CNTN5: variants seen among roughly 807,000 people sequenced by gnomAD.
The protein encoded by CNTN5 is contactin 5.
Under a neutral mutation model 129.1 loss-of-function variants are expected in CNTN5, and 77 were observed. The observed-to-expected ratio is 0.60, with a 90% CI of 0.50 to 0.72. CNTN5 has a LOEUF of 0.72. Ranked by LOEUF, CNTN5 falls within the 30% of genes least tolerant of loss-of-function variation. The probability of loss-of-function intolerance (pLI) is 0.00; values close to 1 mark genes in which losing one functional copy is unlikely to be tolerated. For missense variants in CNTN5, 1,478 were observed against 1,328.8 expected (o/e 1.11, Z -1.75); for synonymous variants, 509 against 465.6 (o/e 1.09, Z -1.20).
At chr11:99,036,859 G>A (rs1320695951) in intron 1 of CNTN5, among the ~76,000 whole-genome samples, 4 of 151,984 alleles carry the variant, frequency 2.6e-5, no homozygotes, top group African/African-American at 9.7e-5. Flanking sequence ...TTGACCTATG[G>A]TTCCTACCCA....
intron 2 of CNTN5, among the ~76,000 whole-genome samples, chr11:99,335,706 C>G (rs1866190962): frequency 6.6e-6 from 1 of 152,014 alleles, no homozygotes; most frequent in Non-Finnish European, 1.5e-5. Flanking sequence ...GTAAATATGT[C>G]CCTAATTAGG....
Position 99,296,544 on chromosome 11 carries a change from G to A in CNTN5, c.-209-28802G>A, listed in dbSNP as rs2135934298. Among the ~76,000 whole-genome samples the A allele has an allele frequency of 2.0e-5, 3 of 152,234 alleles. 1 individual carries two copies. Among genetic ancestry groups the A allele is most frequent in the Middle Eastern group, 3.4e-3 (1 of 294 alleles). ...AAAGCATGCACTGCAAATGACAATT[G>A]AATAAAATCTCTTTATAAATATTTA... On this transcript the variant is annotated intron_variant, in intron 1 of 24. Coordinates refer to ENST00000524871, the MANE Select transcript of CNTN5 (RefSeq NM_014361.4).
intron 9 of CNTN5, among the ~76,000 whole-genome samples, chr11:100,026,944 A>T (rs1291645956): frequency 3.3e-5 from 5 of 152,086 alleles, no homozygotes; most frequent in South Asian, 2.1e-4. Flanking sequence ...CTAAAATGTC[A>T]TTATCAAAAC....
intron 8 of CNTN5, among the ~76,000 whole-genome samples, chr11:99,999,850 C>A (rs1939742777): frequency 1.3e-5 from 2 of 152,174 alleles, no homozygotes; most frequent in Middle Eastern, 3.4e-3. Context: ...AGTTCATGTC[C>A]TTTGTAGGGA....
chr11:99,524,510 G>T (rs72993129), intron 2 of CNTN5, among the ~76,000 whole-genome samples: 9 of 152,210 alleles, frequency 5.9e-5, no homozygotes, highest in African/African-American at 1.9e-4. Context: ...GTGTGTCAAT[G>T]AAATATATTT....
At chr11:100,024,511 T>C (rs1941312829) in intron 9 of CNTN5, among the ~76,000 whole-genome samples, 1 of 152,038 alleles carries the variant, frequency 6.6e-6, no homozygotes, top group South Asian at 2.1e-4. Context: ...TTGGAACAGT[T>C]TGGAGGGCTC....
intron 2 of CNTN5, among the ~76,000 whole-genome samples, chr11:99,552,642 G>T (rs1458405291): frequency 6.6e-6 from 1 of 152,136 alleles, no homozygotes; most frequent in Non-Finnish European, 1.5e-5. Context: ...CACAGTATGT[G>T]CTTGGCATGC....
rs368476006 is a variant in CNTN5 at position 99,773,276 on chromosome 11, C to T, written c.56-46268C>T. Reference sequence around the variant, plus strand: ...AATTCTAGGTATCCATGTCTAAACACCAGTGCAAATCCCCAAAGAAATTAT... The same window carrying T: ...AATTCTAGGTATCCATGTCTAAACATCAGTGCAAATCCCCAAAGAAATTAT... On this transcript the variant is annotated intron_variant, in intron 3 of 24. Coordinates refer to ENST00000524871, the MANE Select transcript of CNTN5 (RefSeq NM_014361.4). 9.2e-4 allele frequency among the ~76,000 whole-genome samples: 140 copies of T among 152,170 alleles called. 2 individuals are homozygous for T. Among genetic ancestry groups the T allele is most frequent in the African/African-American group, 3.2e-3 (131 of 41,540 alleles).
intron 1 of CNTN5, among the ~76,000 whole-genome samples, chr11:99,138,497 A>C (rs1220803720): frequency 6.6e-6 from 1 of 152,156 alleles, no homozygotes; most frequent in African/African-American, 2.4e-5. Flanking sequence ...TTAAACCAAG[A>C]TAATTTTATG....
chr11:99,827,958 T>C (rs1242424018), intron 4 of CNTN5, among the ~76,000 whole-genome samples: 3 of 152,212 alleles, frequency 2.0e-5, no homozygotes, highest in African/African-American at 7.2e-5. Flanking sequence ...TTTACATTTT[T>C]TCTGTAGGAG....
intron 2 of CNTN5, among the ~76,000 whole-genome samples, chr11:99,460,983 C>G (rs1944676589): frequency 6.6e-6 from 1 of 151,836 alleles, no homozygotes; most frequent in African/African-American, 2.4e-5. Context: ...TGGAAAACAC[C>G]TAAAAGCTCA....
chr11:99,981,068 A>T (rs1197264663), intron 8 of CNTN5, among the ~76,000 whole-genome samples: 1 of 134,184 alleles, frequency 7.5e-6, no homozygotes. Flanking sequence ...AGAGAGAAAG[A>T]GCCAATAGGA....
At chr11:99,283,322 G>A (rs918328996) in intron 1 of CNTN5, among the ~76,000 whole-genome samples, 4 of 151,914 alleles carry the variant, frequency 2.6e-5, no homozygotes, top group Admixed American at 1.3e-4. Context: ...GCACTTTTTC[G>A]CTAAAAATTT....
chr11:99,757,063 A>G (rs1253271886), intron 3 of CNTN5, among the ~76,000 whole-genome samples: 1 of 152,066 alleles, frequency 6.6e-6, no homozygotes. Context: ...CACAAACCAG[A>G]TGAGTTAAAA....
At chr11:99,080,139 GC>G (rs1384998897) in intron 1 of CNTN5, among the ~76,000 whole-genome samples, 2 of 152,070 alleles carry the variant, frequency 1.3e-5, no homozygotes, top group Non-Finnish European at 2.9e-5. Context: ...GATCATAAGG[GC>G]TGTGAAAATT....
At chr11:99,493,569 A>G (rs951927378) in intron 2 of CNTN5, among the ~76,000 whole-genome samples, 3 of 152,238 alleles carry the variant, frequency 2.0e-5, no homozygotes, top group Admixed American at 6.5e-5. Context: ...CTTAAGTGAC[A>G]GAGATACAGC....
intron 3 of CNTN5, among the ~76,000 whole-genome samples, chr11:99,749,989 T>A (rs1944178278): frequency 6.6e-6 from 1 of 152,200 alleles, no homozygotes; most frequent in African/African-American, 2.4e-5. Flanking sequence ...AACTGTCCCA[T>A]CTACCATTCA....
intron 1 of CNTN5, among the ~76,000 whole-genome samples, chr11:99,158,617 C>T (rs565457208): frequency 6.6e-6 from 1 of 152,098 alleles, no homozygotes; most frequent in East Asian, 1.9e-4. Flanking sequence ...CGCGAGGTAC[C>T]TAAGAAAACA....
chr11:99,718,375 C>T (rs1393514594), intron 3 of CNTN5, among the ~76,000 whole-genome samples: 1 of 152,096 alleles, frequency 6.6e-6, no homozygotes, highest in Non-Finnish European at 1.5e-5. Context: ...TTAGCAGCAG[C>T]ATAACAGATC....
Sources: allele counts gnomAD v4.1 joint callset (sites outside exome capture counted in the v4.1 genomes callset), GRCh38; gene constraint gnomAD v4.1.1; transcripts MANE v1.5; gene names NCBI Gene and HGNC (gene_info 2026-07-23, HGNC 2026-07-21).